Variants in NADSYN1 observed in about 807,000 individuals in gnomAD.
NADSYN1 encodes the protein glutamine-dependent NAD(+) synthetase.
In NADSYN1, 80 loss-of-function variants were observed where a neutral mutation model predicts 99.3. The ratio of observed to expected loss-of-function variants is 0.81; its 90% CI spans 0.67 to 0.97. NADSYN1 has a LOEUF of 0.97. NADSYN1 is among the 50% of genes least tolerant of loss of function. NADSYN1 has a pLI of 0.00. For synonymous variants in NADSYN1, 385 were observed against 372.1 expected (o/e 1.03, Z -0.40); for missense variants, 859 against 948.5 (o/e 0.91, Z 1.24).
chr11:71,488,027 G>T, intron 16 of NADSYN1, among the ~76,000 whole-genome samples: 1 of 152,096 alleles, frequency 6.6e-6, no homozygotes, highest in East Asian at 1.9e-4. Flanking sequence ...GTCACAGCCA[G>T]TCCTTCTCTT....
At chr11:71,494,552 T>TGTTTC (rs781512608) in intron 18 of NADSYN1, among the ~76,000 whole-genome samples, 3 of 151,944 alleles carry the variant, frequency 2.0e-5, no homozygotes, top group Non-Finnish European at 4.4e-5. Flanking sequence ...TGTTTTGTTT[T>TGTTTC]GTTTTGTTTC....
rs2120506426 is a variant in NADSYN1 at position 71,490,945 on chromosome 11, A to G, written c.1663A>G (p.Ile555Val). ...TDLRAFVQFC[I>V]QRFQLPALQS... Reference sequence around the variant, plus strand: ...CCTCAGGGCCTTCGTCCAGTTCTGCATCCAGCGCTTCCAGCTTCCTGCCCT... The same window carrying G: ...CCTCAGGGCCTTCGTCCAGTTCTGCGTCCAGCGCTTCCAGCTTCCTGCCCT... The change falls in exon 17 of 21, where the codon ATC becomes GTC. Residue 555 changes from isoleucine to valine, a missense_variant. By Grantham distance (29) the Ile-to-Val change is conservative (BLOSUM62 3). Coordinates refer to ENST00000319023, the MANE Select transcript of NADSYN1 (RefSeq NM_018161.5). 1 of 1,614,214 alleles carries G rather than the reference A, an allele frequency of 6.2e-7. No individual in the cohort carries two copies. Among genetic ancestry groups the G allele is most frequent in the East Asian group, 2.2e-5 (1 of 44,886 alleles).
Position 71,501,285 on chromosome 11 carries a change from C to T in NADSYN1, c.2071-17C>T. ...CCGTCTTTGCGGGGCTGTGGTGTCA[C>T]AGGCCTCTCTTTCCAGGTGCTACAG... On this transcript the variant is annotated splice_polypyrimidine_tract_variant and intron_variant, in intron 20 of 20. Coordinates refer to ENST00000319023, the MANE Select transcript of NADSYN1 (RefSeq NM_018161.5). 1.3e-6 allele frequency: 2 copies of T among 1,561,024 alleles called. No individual in the cohort carries two copies. The highest frequency in any genetic ancestry group is 2.4e-5 in the South Asian group (2 of 83,534).
chr11:71,461,204 G>T (rs766940989), intron 3 of NADSYN1, among the ~76,000 whole-genome samples: 8 of 152,066 alleles, frequency 5.3e-5, no homozygotes, highest in Non-Finnish European at 7.4e-5. Flanking sequence ...TGAAAGCGCC[G>T]CCCTGATCTG....
At chr11:71,473,107 A>ACCCCCC (rs1261846680) in intron 6 of NADSYN1, among the ~76,000 whole-genome samples, 171 bp from the exon 7 acceptor site, 1 of 152,172 alleles carries the variant, frequency 6.6e-6, no homozygotes, top group Non-Finnish European at 1.5e-5. Flanking sequence ...TCTGCCTGGC[A>ACCCCCC]CCACCCGGTG....
At chr11:71,483,377 C>T (rs962306310) in intron 14 of NADSYN1, among the ~76,000 whole-genome samples, 2 of 152,166 alleles carry the variant, frequency 1.3e-5, no homozygotes, top group African/African-American at 4.8e-5. Flanking sequence ...TCTGTCCCCT[C>T]ACTCCTGGCA....
chr11:71,499,678 G>A (rs1949844805), intron 20 of NADSYN1: 1 of 152,210 alleles, frequency 6.6e-6, no homozygotes, highest in African/African-American at 2.4e-5. Flanking sequence ...TGACAGAGCA[G>A]CTTGGCCATG....
chr11:71,478,638 G>T, intron 10 of NADSYN1, 169 bp downstream of exon 10: 1 of 622,774 alleles, frequency 1.6e-6, no homozygotes. Context: ...GACAGAACCT[G>T]CTTCCATCTG....
intron 14 of NADSYN1, among the ~76,000 whole-genome samples, chr11:71,483,628 A>G (rs191325033): frequency 8.1e-4 from 124 of 152,264 alleles, no homozygotes; most frequent in African/African-American, 2.8e-3. Flanking sequence ...GCAGCTCCCC[A>G]TCCTGTTTGT....
At chr11:71,478,264 G>A in intron 9 of NADSYN1, 131 bp from the exon 10 acceptor site, 1 of 733,124 alleles carries the variant, frequency 1.4e-6, no homozygotes, top group Non-Finnish European at 2.4e-6. Flanking sequence ...CCCCATCCCT[G>A]GGCCTCCAGG....
intron 1 of NADSYN1, among the ~76,000 whole-genome samples, chr11:71,454,386 A>G (rs1308628009): frequency 6.6e-6 from 1 of 152,106 alleles, no homozygotes; most frequent in Non-Finnish European, 1.5e-5. Flanking sequence ...CAATTTCTGT[A>G]TTTTTAGTAG....
chr11:71,487,022 G>A (rs1406473248), intron 16 of NADSYN1, among the ~76,000 whole-genome samples: 3 of 152,040 alleles, frequency 2.0e-5, no homozygotes, highest in Admixed American at 6.6e-5. Context: ...TAGCCAGGAT[G>A]GTCTCCATCT....
intron 9 of NADSYN1, chr11:71,475,045 T>TGC (rs1057354937): frequency 1.1e-5 from 2 of 176,550 alleles, no homozygotes; most frequent in African/African-American, 4.7e-5. Context: ...AGAGGATGGG[T>TGC]GCCGCCTGGC....
Position 71,475,923 on chromosome 11 carries a change from C to T in NADSYN1, c.798+1397C>T, listed in dbSNP as rs1305484003. Reference sequence around the variant, plus strand: ...GAGACAGGGTTTCACTGTGTTGCCCCGGCTGGTCGCAAACTCCTGAGCTCA... The same window carrying T: ...GAGACAGGGTTTCACTGTGTTGCCCTGGCTGGTCGCAAACTCCTGAGCTCA... On this transcript the variant is annotated intron_variant, in intron 9 of 20. Transcript: ENST00000319023. 2.8e-5 allele frequency: 12 copies of T among 427,160 alleles called. 1 individual carries two copies. The highest frequency in any genetic ancestry group is 4.2e-5 in the Non-Finnish European group (9 of 213,928). 26.5% of individuals were successfully genotyped at this position (427,160 alleles called of 1,614,324 possible).
rs746253243 is a variant in NADSYN1 at position 71,458,536 on chromosome 11, C to T, written c.255C>T (p.Asp85=). Reference sequence around the variant, plus strand: ...CCGTCACTCAGGACATCATCTGCGACGTGGGGATGTAAGTGCCAGTGTGAG... The same window carrying T: ...CCGTCACTCAGGACATCATCTGCGATGTGGGGATGTAAGTGCCAGTGTGAG... ...ESPVTQDIIC[D]VGMPVMHRNV... The change falls in exon 3 of 21, where the codon GAC becomes GAT. Residue 85 remains aspartate (D), a synonymous_variant. Transcript: ENST00000319023. The T allele has an allele frequency of 5.0e-5, 80 of 1,605,170 alleles. No homozygotes were observed. Among genetic ancestry groups the T allele is most frequent in the African/African-American group, 8.0e-5 (6 of 74,816 alleles).
At chr11:71,471,747 A>G (rs1201635121) in intron 5 of NADSYN1, among the ~76,000 whole-genome samples, 1 of 152,200 alleles carries the variant, frequency 6.6e-6, no homozygotes, top group Non-Finnish European at 1.5e-5. Context: ...TGAGGGGGAA[A>G]GACATCATTG....
intron 12 of NADSYN1, 129 bp downstream of exon 12, chr11:71,481,533 G>A: frequency 1.1e-6 from 1 of 929,044 alleles, no homozygotes; most frequent in Non-Finnish European, 1.6e-6. Context: ...TCATCACTCT[G>A]CCTCCATGGG....
intron 3 of NADSYN1, chr11:71,459,829 C>G (rs1949539499): frequency 6.6e-6 from 1 of 152,302 alleles, no homozygotes. Context: ...ATTTTAGTGC[C>G]CTGTTCACAC....
Position 71,498,420 on chromosome 11 carries a change from A to G in NADSYN1, c.1962A>G (p.Thr654=), listed in dbSNP as rs775385592. 4 of 1,614,194 alleles carry G rather than the reference A, an allele frequency of 2.5e-6. No homozygotes were observed. In the East Asian group the frequency reaches 6.7e-5, roughly 27 times the overall value. Residue 654 remains threonine (T), a synonymous_variant, in exon 20 of 21, where the codon ACA becomes ACG. Coordinates refer to ENST00000319023, the MANE Select transcript of NADSYN1 (RefSeq NM_018161.5). ...ACAGACACAAGATGACCACGCTCAC[A>G]CCCGCGTACCACGCCGAGAACTACA... The part of the protein sequence containing the change: ...SMNRHKMTTL[T]PAYHAENYSP...
Sources: allele counts gnomAD v4.1 joint callset (sites outside exome capture counted in the v4.1 genomes callset), GRCh38; gene constraint gnomAD v4.1.1; transcripts MANE v1.5; gene names NCBI Gene and HGNC (gene_info 2026-07-23, HGNC 2026-07-21).